The following GPC5 variants were observed in gnomAD, a reference collection of about 807,000 sequenced individuals.
GPC5 encodes glypican 5, also known as glypican-5.
GPC5 carries 47 observed loss-of-function variants against 53.9 expected under a neutral mutation model. The observed-to-expected ratio is 0.87, with a 90% CI of 0.69 to 1.11. GPC5 has a LOEUF of 1.11. Ranked by LOEUF, GPC5 falls within the 50% of genes most tolerant of loss-of-function variation. GPC5 has a pLI of 0.00. For missense variants in GPC5, 748 were observed against 713.1 expected (o/e 1.05, Z -0.56); for synonymous variants, 286 against 263.3 (o/e 1.09, Z -0.84).
intron 6 of GPC5, among the ~76,000 whole-genome samples, chr13:92,118,713 CATCT>C (rs2041620357): frequency 1.3e-5 from 2 of 152,140 alleles, no homozygotes; most frequent in Non-Finnish European, 2.9e-5. Context: ...GCTTTCAATC[CATCT>C]GTTATTGCTC....
chr13:92,440,575 C>G (rs142544674), intron 7 of GPC5, among the ~76,000 whole-genome samples: 1 of 152,212 alleles, frequency 6.6e-6, no homozygotes, highest in African/African-American at 2.4e-5. Context: ...GGTGCACATT[C>G]TTTTTGGTAG....
At chr13:92,344,652 T>G (rs2043395676) in intron 7 of GPC5, among the ~76,000 whole-genome samples, 1 of 152,144 alleles carries the variant, frequency 6.6e-6, no homozygotes, top group African/African-American at 2.4e-5. Context: ...TATGGTAGTT[T>G]TGGGGAGTGG....
intron 7 of GPC5, among the ~76,000 whole-genome samples, chr13:92,492,136 T>A (rs1879786743): frequency 6.6e-6 from 1 of 152,146 alleles, no homozygotes; most frequent in Non-Finnish European, 1.5e-5. Context: ...AGGTATAGAC[T>A]CAGTATTTTG....
At chr13:91,984,782 A>AT (rs1160184607) in intron 6 of GPC5, among the ~76,000 whole-genome samples, 2 of 152,148 alleles carry the variant, frequency 1.3e-5, no homozygotes, top group African/African-American at 4.8e-5. Context: ...ACATTTGGCC[A>AT]TTTTTATTTA....
At chr13:92,023,707 CTT>C (rs2040778333) in intron 6 of GPC5, among the ~76,000 whole-genome samples, 1 of 138,042 alleles carries the variant, frequency 7.2e-6, no homozygotes, top group Non-Finnish European at 1.6e-5. Context: ...CTCTCTCTCT[CTT>C]ATAAATTTAT....
At chr13:91,537,689 T>C (rs1886655414) in intron 2 of GPC5, among the ~76,000 whole-genome samples, 3 of 152,194 alleles carry the variant, frequency 2.0e-5, no homozygotes, top group Admixed American at 2.0e-4. Flanking sequence ...ATTACCCTGA[T>C]ACACAAACCA....
intron 7 of GPC5, among the ~76,000 whole-genome samples, chr13:92,288,531 A>T (rs1476790364): frequency 6.6e-6 from 1 of 152,186 alleles, no homozygotes; most frequent in Non-Finnish European, 1.5e-5. Flanking sequence ...TAGTCAGCTA[A>T]TGAAGTGACT....
intron 7 of GPC5, among the ~76,000 whole-genome samples, chr13:92,829,046 CGT>C (rs1877955381): frequency 6.6e-6 from 1 of 152,212 alleles, no homozygotes; most frequent in East Asian, 1.9e-4. Context: ...CCTCCCGAGA[CGT>C]TTACTATGCA....
At chr13:91,408,263 C>G (rs930163209) in intron 1 of GPC5, among the ~76,000 whole-genome samples, 3 of 152,148 alleles carry the variant, frequency 2.0e-5, no homozygotes, top group African/African-American at 7.2e-5. Context: ...CTCTCTCTTT[C>G]TATGAGATCA....
chr13:92,746,502 T>G (rs1889244802), intron 7 of GPC5, among the ~76,000 whole-genome samples: 1 of 152,126 alleles, frequency 6.6e-6, no homozygotes, highest in African/African-American at 2.4e-5. Flanking sequence ...AGTCCCTCTG[T>G]AGGTGCCTCT....
chr13:92,567,184 G>C (rs1882888415), intron 7 of GPC5, among the ~76,000 whole-genome samples: 1 of 152,010 alleles, frequency 6.6e-6, no homozygotes, highest in Non-Finnish European at 1.5e-5. Flanking sequence ...AATTTCCCGA[G>C]GCCAAAATTT....
intron 5 of GPC5, among the ~76,000 whole-genome samples, chr13:91,891,725 A>G (rs1594644958): frequency 6.6e-6 from 1 of 152,174 alleles, no homozygotes; most frequent in Admixed American, 6.5e-5. Context: ...CATTATTTTC[A>G]TCAGTTACTT....
At chr13:92,382,786 G>A (rs1254554303) in intron 7 of GPC5, among the ~76,000 whole-genome samples, 6 of 151,896 alleles carry the variant, frequency 4.0e-5, no homozygotes, top group Non-Finnish European at 7.4e-5. Flanking sequence ...CGAGGCAGGC[G>A]GATCACGAGG....
chr13:92,394,930 T>C (rs1412162890), intron 7 of GPC5, among the ~76,000 whole-genome samples: 1 of 152,210 alleles, frequency 6.6e-6, no homozygotes, highest in Non-Finnish European at 1.5e-5. Context: ...TATTTTATAA[T>C]GACTATGTCG....
chr13:91,787,024 G>A (rs2037890905), intron 5 of GPC5, among the ~76,000 whole-genome samples: 1 of 150,772 alleles, frequency 6.6e-6, no homozygotes, highest in Non-Finnish European at 1.5e-5. Context: ...CTAGTATACA[G>A]AAATGTGACT....
At chr13:92,829,270 A>G (rs951844309) in intron 7 of GPC5, among the ~76,000 whole-genome samples, 1 of 152,180 alleles carries the variant, frequency 6.6e-6, no homozygotes, top group Non-Finnish European at 1.5e-5. Context: ...GATGTGAGAG[A>G]CCAAAGGTAT....
Position 91,809,360 on chromosome 13 carries a change from T to G in GPC5, c.1280+52940T>G, listed in dbSNP as rs1299087213. 2.0e-5 allele frequency among the ~76,000 whole-genome samples: 3 copies of G among 152,146 alleles called. No individual in the cohort carries two copies. In the East Asian group the frequency reaches 5.8e-4, roughly 29 times the overall value. On this transcript the variant is annotated intron_variant, in intron 5 of 7. Transcript: ENST00000377067. Reference sequence around the variant, plus strand: ...CAGTGACAGAGAACTATCCTGTAACTGACAACCAATGATGAATAGTTTTTT... The same window carrying G: ...CAGTGACAGAGAACTATCCTGTAACGGACAACCAATGATGAATAGTTTTTT...
intron 6 of GPC5, among the ~76,000 whole-genome samples, chr13:92,079,293 G>T: frequency 6.6e-6 from 1 of 151,916 alleles, no homozygotes; most frequent in East Asian, 1.9e-4. Context: ...CTCATGATCC[G>T]CCCACCTCGG....
intron 6 of GPC5, among the ~76,000 whole-genome samples, chr13:91,973,540 A>G (rs2040265430): frequency 1.3e-5 from 2 of 152,086 alleles, no homozygotes; most frequent in Non-Finnish European, 1.5e-5. Context: ...GAGGAGAGGC[A>G]CTCTGCTTTT....
Sources: gnomAD v4.1 joint callset for allele counts (sites outside exome capture counted in the v4.1 genomes callset) on GRCh38, gnomAD v4.1.1 for gene constraint, MANE v1.5 for transcripts, NCBI Gene and HGNC (gene_info 2026-07-23, HGNC 2026-07-21) for gene names.